Variants in TBC1D22A observed in about 807,000 individuals in gnomAD.
TBC1D22A encodes the protein TBC1 domain family member 22A.
In TBC1D22A, 38 loss-of-function variants were observed where a neutral mutation model predicts 60.2. The observed-to-expected ratio is 0.63, with a 90% CI of 0.49 to 0.83. The LOEUF is 0.83. Among genes scored for constraint, TBC1D22A ranks in the 40% least tolerant of loss-of-function variants. The pLI is 0.00. For synonymous variants in TBC1D22A, 302 were observed against 281.7 expected (o/e 1.07, Z -0.72); for missense variants, 628 against 701.0 (o/e 0.90, Z 1.18).
At chr22:47,124,990 AG>A (rs1260699238) in intron 12 of TBC1D22A, among the ~76,000 whole-genome samples, 1 of 151,878 alleles carries the variant, frequency 6.6e-6, no homozygotes, top group East Asian at 1.9e-4. Context: ...CCTGTAAAGG[AG>A]GGAGGGGCAG....
At chr22:46,957,258 T>G (rs1167172040) in intron 8 of TBC1D22A, among the ~76,000 whole-genome samples, 1 of 152,226 alleles carries the variant, frequency 6.6e-6, no homozygotes, top group Non-Finnish European at 1.5e-5. Flanking sequence ...TAGTGCTGTA[T>G]TAGTCTGTTC....
chr22:47,158,966 A>G (rs1362031425), intron 12 of TBC1D22A, among the ~76,000 whole-genome samples: 6 of 151,740 alleles, frequency 4.0e-5, no homozygotes, highest in Admixed American at 6.6e-5. Context: ...GTATACACAG[A>G]CACCACACAC....
At position 46,966,018 on chromosome 22, in the gene TBC1D22A, G is replaced by A. The variant is rs368178059; in HGVS notation, c.1016-8272G>A. Among the ~76,000 whole-genome samples, 12 of 152,310 alleles carry A rather than the reference G, an allele frequency of 7.9e-5. 1 individual carries two copies. In the East Asian group the frequency reaches 1.5e-3, roughly 20 times the overall value. On this transcript the variant is annotated intron_variant, in intron 8 of 12. Coordinates refer to ENST00000337137, the MANE Select transcript of TBC1D22A (RefSeq NM_014346.5). ...AGCCATGGCACTCTCCTGGGGCCCT[G>A]TGCTGAGGGTACCACTCTAACAAAC...
chr22:46,902,191 A>T (rs1240931130), intron 7 of TBC1D22A, among the ~76,000 whole-genome samples: 1 of 152,224 alleles, frequency 6.6e-6, no homozygotes, highest in African/African-American at 2.4e-5. Context: ...TTTCCTTCCG[A>T]ATTAGCATGC....
At chr22:46,791,887 G>A (rs936696748) in intron 1 of TBC1D22A, among the ~76,000 whole-genome samples, 7 of 152,024 alleles carry the variant, frequency 4.6e-5, no homozygotes, top group Non-Finnish European at 8.8e-5. Flanking sequence ...CAGCCTTCCC[G>A]GTAGCTAGGA....
At chr22:46,878,343 A>G (rs2067671906) in intron 4 of TBC1D22A, among the ~76,000 whole-genome samples, 7 of 134,334 alleles carry the variant, frequency 5.2e-5, no homozygotes, top group South Asian at 2.6e-4. Context: ...AGGAGGTGGG[A>G]GGGAAGGAGG....
chr22:46,769,546 C>T (rs801629), intron 1 of TBC1D22A, among the ~76,000 whole-genome samples: 22,059 of 152,194 alleles, frequency 0.14, 2,052 homozygotes, highest in African/African-American at 0.26. Context: ...ACAGGTCCCG[C>T]TTCCGCCGAG....
chr22:46,892,104 A>G (rs747395529), intron 6 of TBC1D22A, among the ~76,000 whole-genome samples: 1 of 152,164 alleles, frequency 6.6e-6, no homozygotes, highest in Non-Finnish European at 1.5e-5. Context: ...TCTTTGTAAT[A>G]TGTGAAAGGT....
intron 7 of TBC1D22A, among the ~76,000 whole-genome samples, chr22:46,902,493 G>A (rs1369698233): frequency 6.6e-6 from 1 of 152,234 alleles, no homozygotes; most frequent in Non-Finnish European, 1.5e-5. Flanking sequence ...ATTCTGTGTT[G>A]TCCTTAAACA....
At chr22:46,969,555 G>A (rs1428554044) in intron 8 of TBC1D22A, among the ~76,000 whole-genome samples, 3 of 152,248 alleles carry the variant, frequency 2.0e-5, no homozygotes, top group Non-Finnish European at 2.9e-5. Flanking sequence ...CAAGCGAGAT[G>A]GTTTTTAACT....
chr22:47,120,682 C>A (rs1288734984), intron 12 of TBC1D22A, among the ~76,000 whole-genome samples: 1 of 152,234 alleles, frequency 6.6e-6, no homozygotes, highest in Admixed American at 6.5e-5. Flanking sequence ...GACAGACAGA[C>A]AAAATGGCCC....
chr22:46,837,829 C>T (rs959978056), intron 4 of TBC1D22A, among the ~76,000 whole-genome samples: 10 of 152,116 alleles, frequency 6.6e-5, no homozygotes, highest in African/African-American at 1.7e-4. Context: ...TTTGGGAGGT[C>T]GAGGCAGTGG....
At chr22:47,071,984 C>T (rs2064012266) in intron 11 of TBC1D22A, among the ~76,000 whole-genome samples, 1 of 152,186 alleles carries the variant, frequency 6.6e-6, no homozygotes, top group South Asian at 2.1e-4. Flanking sequence ...ATGCTGGAAA[C>T]AGGCCTGTGT....
intron 11 of TBC1D22A, among the ~76,000 whole-genome samples, chr22:47,098,048 C>T (rs558609847): frequency 6.6e-6 from 1 of 151,350 alleles, no homozygotes; most frequent in South Asian, 2.1e-4. Context: ...ATACAATTTA[C>T]TGGACGTAGT....
intron 11 of TBC1D22A, among the ~76,000 whole-genome samples, chr22:47,079,494 T>A (rs2064370745): frequency 1.3e-5 from 2 of 152,216 alleles, no homozygotes; most frequent in South Asian, 4.1e-4. Flanking sequence ...ATAGCATTTA[T>A]AATAGCACAG....
intron 12 of TBC1D22A, among the ~76,000 whole-genome samples, chr22:47,143,157 T>G (rs1010632701): frequency 2.0e-5 from 3 of 152,068 alleles, no homozygotes; most frequent in Admixed American, 6.5e-5. Flanking sequence ...TCTCTCTCTC[T>G]CCCAGAAGGG....
chr22:47,054,188 A>T (rs1301441504), intron 11 of TBC1D22A, among the ~76,000 whole-genome samples: 1 of 152,194 alleles, frequency 6.6e-6, no homozygotes. Flanking sequence ...GCAGGGACCC[A>T]CAATGCAGTG....
At chr22:46,795,536 G>C (rs1453004670) in intron 3 of TBC1D22A, among the ~76,000 whole-genome samples, 1 of 152,236 alleles carries the variant, frequency 6.6e-6, no homozygotes, top group Non-Finnish European at 1.5e-5. Flanking sequence ...GCTTGCGCTG[G>C]GAGAAGGGGG....
intron 12 of TBC1D22A, among the ~76,000 whole-genome samples, chr22:47,131,491 C>G (rs1479011743): frequency 6.6e-6 from 1 of 152,226 alleles, no homozygotes; most frequent in Non-Finnish European, 1.5e-5. Flanking sequence ...CTGCTCCAGC[C>G]ACAGGAGTGT....
Sources: allele counts gnomAD v4.1 joint callset (sites outside exome capture counted in the v4.1 genomes callset), GRCh38; gene constraint gnomAD v4.1.1; transcripts MANE v1.5; gene names NCBI Gene and HGNC (gene_info 2026-07-23, HGNC 2026-07-21).